TECTA: variants seen among roughly 807,000 people sequenced by gnomAD.
TECTA encodes alpha-tectorin.
A neutral mutation model predicts 216.8 loss-of-function variants in TECTA; 128 were observed. The ratio of observed to expected loss-of-function variants is 0.59; its 90% confidence interval spans 0.51 to 0.68. The LOEUF (loss-of-function observed/expected upper bound fraction) is 0.68, where lower values mean the gene tolerates loss of function less well. Among genes scored for constraint, TECTA ranks in the 30% least tolerant of loss-of-function variants. TECTA has a pLI of 0.00. For synonymous variants in TECTA, 1,089 were observed against 1,117.1 expected, an observed-to-expected ratio of 0.97 and a Z score of 0.50; for missense variants, 2,551 against 2,786.2, an observed-to-expected ratio of 0.92 and a Z score of 1.90.
chr11:121,141,810 G>C (rs1197180410), intron 11 of TECTA, among the ~76,000 whole-genome samples: 3 of 152,236 alleles, frequency 2.0e-5, no homozygotes, highest in Non-Finnish European at 2.9e-5. Flanking sequence ...CCTCGGGGTA[G>C]AAAAATGAAT....
At chr11:121,116,087 ACC>A (rs1946498828) in intron 6 of TECTA, among the ~76,000 whole-genome samples, 1 of 152,152 alleles carries the variant, frequency 6.6e-6, no homozygotes, top group South Asian at 2.1e-4. Context: ...GCCTGCCTGG[ACC>A]CTTGCCTCTG....
intron 20 of TECTA, among the ~76,000 whole-genome samples, chr11:121,177,822 G>T (rs1335241858): frequency 6.6e-6 from 1 of 152,218 alleles, no homozygotes; most frequent in African/African-American, 2.4e-5. Context: ...GAGCTGTGGT[G>T]GGCTCCACCC....
rs534009091 is a variant in TECTA, at chr11:121,133,226, C to T, written c.2941+3015C>T. ...TTTGTTTTATCATTCCCTCCCTTTC[C>T]CTGTCTCTTCCTTCCTCCCTCCCTG... On this transcript the variant is annotated intron_variant, in intron 10 of 23. Transcript: ENST00000392793. Among the ~76,000 whole-genome samples the T allele has an allele frequency of 3.9e-5, 6 of 152,262 alleles. No individual in the cohort carries two copies. In the East Asian group the frequency reaches 9.6e-4, roughly 24 times the overall value.
chr11:121,171,063 T>G (rs1454505811), intron 20 of TECTA, among the ~76,000 whole-genome samples: 1 of 152,172 alleles, frequency 6.6e-6, no homozygotes, highest in African/African-American at 2.4e-5. Flanking sequence ...AGTTTCTGGT[T>G]GCACATTTAA....
At chr11:121,179,974 G>GT (rs368080288) in intron 20 of TECTA, among the ~76,000 whole-genome samples, 20,026 of 120,568 alleles carry the variant, frequency 0.17, 1,675 homozygotes, top group South Asian at 0.37. Context: ...TTGTTTGTTT[G>GT]TTTTTTTTTT....
chr11:121,119,182 C>T (rs1266493885), intron 7 of TECTA, among the ~76,000 whole-genome samples: 3 of 152,130 alleles, frequency 2.0e-5, no homozygotes, highest in African/African-American at 7.2e-5. Context: ...CCTCACCCCA[C>T]CTCAGCCCCA....
intron 22 of TECTA, 87 bp from the exon 23 acceptor site, chr11:121,189,677 C>A: frequency 7.4e-7 from 1 of 1,346,570 alleles, no homozygotes. Context: ...CCCAGCCTGT[C>A]CTCCTCTCTT....
chr11:121,149,498 G>A (rs757415558), intron 12 of TECTA, among the ~76,000 whole-genome samples: 1 of 152,178 alleles, frequency 6.6e-6, no homozygotes, highest in Non-Finnish European at 1.5e-5. Context: ...TATATCAGGA[G>A]CTTTACGAAT....
chr11:121,104,356 A>G (rs1303088348), intron 2 of TECTA, among the ~76,000 whole-genome samples: 1 of 152,114 alleles, frequency 6.6e-6, no homozygotes, highest in South Asian at 2.1e-4. Context: ...AATACAGCTC[A>G]TGGGCCCAGA....
chr11:121,155,238 C>T (rs754590503), intron 13 of TECTA, among the ~76,000 whole-genome samples: 1 of 152,168 alleles, frequency 6.6e-6, no homozygotes, highest in African/African-American at 2.4e-5. Flanking sequence ...GCCATTTTAC[C>T]GTGATGCTAG....
At chr11:121,189,939 C>G in intron 23 of TECTA, 59 bp downstream of exon 23, 3 of 1,415,804 alleles carry the variant, frequency 2.1e-6, no homozygotes. Context: ...TCTTTACCAC[C>G]AGAAGGAGAA....
chr11:121,130,109 G>T lies in TECTA; in HGVS notation c.2839G>T (p.Gly947Trp). ...CTGCCTTTTCCGCCTGTGCCAGAGT[G>T]GGGGCAATGAGTCAGAGCTCTGTGA... ...RTCLFRLCQSGGNESELCDSV... is the reference protein window; with the variant it reads ...RTCLFRLCQSWGNESELCDSV... Residue 947 changes from glycine to tryptophan, a missense_variant, in exon 10 of 24, where the codon GGG becomes TGG. By Grantham distance (184) the Gly-to-Trp change is radical. Around this residue, in one of 3 missense-constraint regions of TECTA, gnomAD observed 2,375 missense variants for 2,563.9 expected, o/e 0.93. Transcript: ENST00000392793. 6.2e-7 allele frequency: 1 copy of T among 1,612,892 alleles called. No homozygotes were observed. The highest frequency in any genetic ancestry group is 1.1e-5 in the South Asian group (1 of 91,066).
chr11:121,151,886 C>T (rs765743486), intron 12 of TECTA, among the ~76,000 whole-genome samples: 5 of 152,172 alleles, frequency 3.3e-5, no homozygotes, highest in African/African-American at 7.2e-5. Context: ...TTTTAGTATA[C>T]GTTGATTGAG....
intron 20 of TECTA, among the ~76,000 whole-genome samples, chr11:121,183,179 T>G (rs1455717953): frequency 6.6e-6 from 1 of 151,974 alleles, no homozygotes; most frequent in East Asian, 1.9e-4. Flanking sequence ...TCCTTTTAAG[T>G]AGGCATGAGG....
chr11:121,172,731 A>G (rs1947124625), intron 20 of TECTA, among the ~76,000 whole-genome samples: 1 of 152,124 alleles, frequency 6.6e-6, no homozygotes, highest in African/African-American at 2.4e-5. Context: ...GTCAAATGCT[A>G]TTTCTAGTTC....
intron 12 of TECTA, chr11:121,146,413 C>A: frequency 2.2e-6 from 1 of 452,552 alleles, no homozygotes; most frequent in South Asian, 2.3e-5. Flanking sequence ...GCACAAAGTT[C>A]ACAATAGAAT....
chr11:121,124,822 A>T (rs868843587), intron 7 of TECTA, among the ~76,000 whole-genome samples: 3 of 152,224 alleles, frequency 2.0e-5, no homozygotes, highest in Admixed American at 6.5e-5. Flanking sequence ...TCAAAGCTAA[A>T]TGGTGTCCAG....
In TECTA at chr11:121,137,526, G is replaced by C. The variant is rs1374650756; in HGVS notation, c.3047G>C (p.Gly1016Ala). The change falls in exon 11 of 24, where the codon GGA (glycine) becomes GCA (alanine). Residue 1016 changes from glycine (G) to alanine (A), a missense_variant. By Grantham distance (60) the Gly-to-Ala change is moderately conservative. Transcript: ENST00000392793. ...GPICVDSCSE[G>A]CQCDEGYALL... ...ATCTGCGTGGATAGCTGCTCTGAGGGATGTCAGTGTGATGAGGGCTATGCT... is the reference window on the plus strand; with the variant it reads ...ATCTGCGTGGATAGCTGCTCTGAGGCATGTCAGTGTGATGAGGGCTATGCT... The C allele has an allele frequency of 6.2e-7, 1 of 1,613,894 alleles. No homozygotes were observed. Among genetic ancestry groups the C allele is most frequent in the African/African-American group, 1.3e-5 (1 of 74,982 alleles).
rs142935702 is a variant in TECTA, at chr11:121,128,021, G to T, written c.2044G>T (p.Asp682Tyr). The change falls in exon 9 of 24, where the codon GAC (aspartate) becomes TAC (tyrosine). Residue 682 changes from aspartate to tyrosine, a missense_variant. Physicochemically the swap from Asp to Tyr is radical, Grantham distance 160. Coordinates refer to ENST00000392793, the MANE Select transcript of TECTA (RefSeq NM_005422.4). ...TVQCLCEEGG[D>Y]VYCFNKTCGS... ...GCAATGCCTGTGCGAGGAGGGCGGG[G>T]ACGTCTACTGCTTCAACAAGACCTG... 9 of 1,613,412 alleles carry T rather than the reference G, an allele frequency of 5.6e-6. No individual in the cohort carries two copies. In the African/African-American group the frequency reaches 1.1e-4, roughly 19 times the overall value.
Sources: gnomAD v4.1 joint callset for allele counts (sites outside exome capture counted in the v4.1 genomes callset) on GRCh38, gnomAD v4.1.1 for gene constraint, gnomAD v4.1.1 regional missense constraint, MANE v1.5 for transcripts, NCBI Gene and HGNC (gene_info 2026-07-23, HGNC 2026-07-21) for gene names.